Variants in MACF1 observed in about 807,000 individuals in gnomAD.
MACF1 encodes microtubule actin crosslinking factor 1.
MACF1 carries 193 observed loss-of-function variants against 854.8 expected under a neutral mutation model. The observed-to-expected ratio is 0.23, with a 90% CI of 0.20 to 0.25. MACF1 has a LOEUF of 0.25. Among genes scored for constraint, MACF1 ranks in the 10% least tolerant of loss-of-function variants. The pLI is 1.00. For synonymous variants in MACF1, 3,185 were observed against 3,226.7 expected, an observed-to-expected ratio of 0.99 and a Z score of 0.44; for missense variants, 7,722 against 8,929.1, an observed-to-expected ratio of 0.86 and a Z score of 5.45.
intron 49 of MACF1, among the ~76,000 whole-genome samples, chr1:39,365,992 A>G (rs756769666): frequency 6.6e-6 from 1 of 152,066 alleles, no homozygotes; most frequent in African/African-American, 2.4e-5. Flanking sequence ...TGGATTTTCT[A>G]TTCTGTTTTG....
intron 96 of MACF1, 58 bp from the exon 97 acceptor site, chr1:39,469,489 T>C: frequency 7.7e-7 from 1 of 1,300,838 alleles, no homozygotes; most frequent in South Asian, 1.3e-5. Flanking sequence ...CTTTCTTGAC[T>C]AGTTTCTGCG....
At chr1:39,187,866 G>GTCTCTCTCTCTC (rs1276441879) in intron 2 of MACF1, among the ~76,000 whole-genome samples, 7 of 124,440 alleles carry the variant, frequency 5.6e-5, no homozygotes, top group Admixed American at 8.8e-5. Context: ...CTCTCTCTCT[G>GTCTCTCTCTCTC]TCTCTCTCTC....
chr1:39,315,797 GA>G, intron 27 of MACF1, 106 bp downstream of exon 27: 1 of 1,141,354 alleles, frequency 8.8e-7, no homozygotes, highest in Non-Finnish European at 1.2e-6. Flanking sequence ...TATAGATCCT[GA>G]AGAGCATATA....
chr1:39,422,571 G>A lies in MACF1; in HGVS notation c.15978+36G>A, dbSNP rs769978705. On this transcript the variant is annotated intron_variant, in intron 59 of 100. Coordinates refer to ENST00000564288, the MANE Select transcript of MACF1 (RefSeq NM_001394062.1). ...ATGGGGTAGCAAGTGTACTGGAAACGGAAGGCATAGAAAAGAGACATCTGA... is the reference window on the plus strand; with the variant it reads ...ATGGGGTAGCAAGTGTACTGGAAACAGAAGGCATAGAAAAGAGACATCTGA... 2.4e-5 allele frequency: 38 copies of A among 1,579,026 alleles called. No individual in the cohort carries two copies. The East Asian group carries it at 3.2e-4, about 13-fold the overall frequency.
chr1:39,211,730 A>G (rs1189619542), intron 1 of MACF1, among the ~76,000 whole-genome samples: 2 of 152,068 alleles, frequency 1.3e-5, no homozygotes, highest in Non-Finnish European at 2.9e-5. Flanking sequence ...AAAATACAAA[A>G]ATTAGCCAGG....
At chr1:39,095,578 A>G (rs937460692) in intron 2 of MACF1, among the ~76,000 whole-genome samples, 2 of 149,370 alleles carry the variant, frequency 1.3e-5, no homozygotes, top group South Asian at 2.1e-4. Context: ...AAAAAAAAAA[A>G]AAAAAAGAAA....
In MACF1 at chr1:39,121,041, C is replaced by T. The variant is rs886661447; in HGVS notation, c.220+36603C>T. 13 of 152,398 alleles carry T rather than the reference C, an allele frequency of 8.5e-5. 1 individual carries two copies. Among genetic ancestry groups the T allele is most frequent in the Middle Eastern group, 6.8e-3 (2 of 294 alleles). 9.4% of individuals were successfully genotyped at this position (152,398 alleles called of 1,614,324 possible). A position where few individuals can be genotyped will look rare whatever the true frequency, so the allele number is the denominator to read the frequency against. ...TTAGTATATGTGTTGCTTAAGTGAG[C>T]ACTAGAATGCAAACTTCTTAAGAAT... On this transcript the variant is annotated intron_variant, in intron 2 of 93. Coordinates refer to the MACF1 transcript ENST00000361689.
chr1:39,408,787 G>T (rs1232582217), intron 58 of MACF1, among the ~76,000 whole-genome samples: 2 of 152,072 alleles, frequency 1.3e-5, no homozygotes, highest in Non-Finnish European at 2.9e-5. Flanking sequence ...CCCGGGGCGC[G>T]GTGGGCGTGG....
At position 39,283,920 on chromosome 1, in the gene MACF1, C is replaced by G. The variant is rs1368642975; in HGVS notation, c.916-146C>G. 2.4e-6 allele frequency: 2 copies of G among 849,728 alleles called. No individual in the cohort carries two copies. The highest frequency in any genetic ancestry group is 3.7e-6 in the Non-Finnish European group (2 of 542,312). The allele number at this position is 849,728 out of a possible 1,614,324, so 52.6% of individuals were successfully genotyped here. A position where few individuals can be genotyped will look rare whatever the true frequency, so the allele number is the denominator to read the frequency against. Reference sequence around the variant, plus strand: ...TGAGAGCCCTTGAGGAGCTTTGAAGCTAGTACTGTGAGCATTAAACTGAGC... The same window carrying G: ...TGAGAGCCCTTGAGGAGCTTTGAAGGTAGTACTGTGAGCATTAAACTGAGC... On this transcript the variant is annotated intron_variant, in intron 9 of 100. Transcript: ENST00000564288. The surrounding 1 kb of genome is among the most constrained non-coding windows in gnomAD (Gnocchi z 4.5).
chr1:39,387,911 AAAG>A lies in MACF1; in HGVS notation c.15073_15075del (p.Lys5025del). 6.2e-7 allele frequency: 1 copy of A among 1,613,926 alleles called. No individual in the cohort carries two copies. Among genetic ancestry groups the A allele is most frequent in the Non-Finnish European group, 8.5e-7 (1 of 1,180,026 alleles). On this transcript the variant is annotated inframe_deletion, in exon 58 of 101. Transcript: ENST00000564288. ...TCCAGGAAAGCTTTAAGAATATTGAAAAGAAGGTTGAAGGAGCCAAACACCAAC... is the reference window on the plus strand; with the variant it reads ...TCCAGGAAAGCTTTAAGAATATTGAAAAGGTTGAAGGAGCCAAACACCAAC...
intron 80 of MACF1, among the ~76,000 whole-genome samples, chr1:39,445,350 C>T (rs1244464532): frequency 6.6e-6 from 1 of 152,128 alleles, no homozygotes; most frequent in Non-Finnish European, 1.5e-5. Context: ...GGTGTTTGCC[C>T]AAAAAGATTA....
chr1:39,112,006 G>A lies in MACF1; in HGVS notation c.220+27568G>A, dbSNP rs145500841. 2.2e-3 allele frequency among the ~76,000 whole-genome samples: 337 copies of A among 151,676 alleles called. 1 individual carries two copies. Among genetic ancestry groups the A allele is most frequent in the African/African-American group, 7.7e-3 (320 of 41,350 alleles). On this transcript the variant is annotated intron_variant, in intron 2 of 93. Transcript: ENST00000361689. ...ATTTGGACTGGTCTTAGCAACCTTA[G>A]CAACCCTTCCCCCTGTGTCCTGTGC...
chr1:39,384,401 C>T (rs766172180), intron 56 of MACF1, among the ~76,000 whole-genome samples: 27 of 152,176 alleles, frequency 1.8e-4, no homozygotes, highest in Non-Finnish European at 3.2e-4. Flanking sequence ...TATAAATTAT[C>T]TCATTTAATC....
Position 39,357,576 on chromosome 1 carries a change from C to G in MACF1, c.11626C>G (p.Gln3876Glu). The stretch of plus-strand genomic sequence containing the variant: ...AGAACTGAAGCAGGTGCAGACACTT[C>G]AGGATGAGTTGCAGAAATTTCTGCA... Reference protein sequence around the residue: ...EAELKQVQTLQDELQKFLQDH... With the variant: ...EAELKQVQTLEDELQKFLQDH... Residue 3876 changes from glutamine to glutamate, a missense_variant, in exon 45 of 101, where the codon CAG becomes GAG. Around this residue, in one of 15 missense-constraint regions of MACF1, gnomAD observed 2,807 missense variants for 3,235.8 expected, o/e 0.87. Coordinates refer to ENST00000564288, the MANE Select transcript of MACF1 (RefSeq NM_001394062.1). 1 of 1,614,096 alleles carries G rather than the reference C, an allele frequency of 6.2e-7. No homozygotes were observed. The highest frequency in any genetic ancestry group is 1.3e-5 in the African/African-American group (1 of 74,992).
intron 58 of MACF1, among the ~76,000 whole-genome samples, chr1:39,400,953 G>A (rs1642455009): frequency 6.6e-6 from 1 of 152,136 alleles, no homozygotes; most frequent in African/African-American, 2.4e-5. Flanking sequence ...AGTAAAATTA[G>A]TTTGATAACA....
intron 50 of MACF1, among the ~76,000 whole-genome samples, chr1:39,369,699 C>G (rs1237042250): frequency 1.3e-5 from 2 of 152,178 alleles, no homozygotes; most frequent in Admixed American, 6.5e-5. Flanking sequence ...GTAGCAGGGC[C>G]GGAATTGAGA....
chr1:39,382,650 C>T (rs551472979), intron 56 of MACF1, among the ~76,000 whole-genome samples: 22 of 148,372 alleles, frequency 1.5e-4, no homozygotes, highest in Admixed American at 4.7e-4. Flanking sequence ...GTTGCAGTGT[C>T]CTGTCCGGAC....
chr1:39,455,510 A>G (rs1228398234), intron 89 of MACF1, among the ~76,000 whole-genome samples: 1 of 152,226 alleles, frequency 6.6e-6, no homozygotes, highest in Non-Finnish European at 1.5e-5. Context: ...CAGCCGGAGA[A>G]ACTGTCCAAA....
chr1:39,473,417 A>G (rs1644814532), intron 97 of MACF1, among the ~76,000 whole-genome samples: 1 of 152,236 alleles, frequency 6.6e-6, no homozygotes, highest in South Asian at 2.1e-4. Flanking sequence ...AAGCTATTCT[A>G]TCTGCTCTTT....
Sources: allele counts gnomAD v4.1 joint callset (sites outside exome capture counted in the v4.1 genomes callset), GRCh38; gene constraint gnomAD v4.1.1; regional missense constraint gnomAD v4.1.1; non-coding constraint Gnocchi (gnomAD v3.1); transcripts MANE v1.5; gene names NCBI Gene and HGNC (gene_info 2026-07-23, HGNC 2026-07-21).